Variants in EFR3B observed in about 807,000 individuals in gnomAD.
The protein encoded by EFR3B is EFR3 homolog B, also known as protein EFR3 homolog B.
Under a neutral mutation model 104.7 loss-of-function variants are expected in EFR3B, and 64 were observed. The ratio of observed to expected loss-of-function variants is 0.61; its 90% CI spans 0.50 to 0.75. The LOEUF is 0.75. Ranked by LOEUF, EFR3B falls within the 30% of genes least tolerant of loss-of-function variation. The pLI, the probability that EFR3B is intolerant of heterozygous loss-of-function variation, is 0.00. For missense variants in EFR3B, 750 were observed against 1,078.5 expected, an observed-to-expected ratio of 0.70 and a Z score of 4.27; for synonymous variants, 385 against 417.9, an observed-to-expected ratio of 0.92 and a Z score of 0.96.
At chr2:25,090,135 C>T (rs752878868) in intron 1 of EFR3B, among the ~76,000 whole-genome samples, 1 of 152,236 alleles carries the variant, frequency 6.6e-6, no homozygotes, top group African/African-American at 2.4e-5. Context: ...CTTCCCACGG[C>T]ACATTTGCAT....
rs750796289 is a variant in EFR3B, at chr2:25,145,069, C to T, written c.2142+18C>T. The T allele has an allele frequency of 1.4e-5, 21 of 1,550,376 alleles. No individual in the cohort carries two copies. Among genetic ancestry groups the T allele is most frequent in the Admixed American group, 5.9e-5 (3 of 50,990 alleles). ...AGGAGGAGGTGAGTGTCCGTGCCAC[C>T]GTCCTGGGGCAGCCCCACCTCCTGT... On this transcript the variant is annotated intron_variant, in intron 19 of 22. Transcript: ENST00000403714.
intron 20 of EFR3B, 104 bp downstream of exon 20, chr2:25,149,846 C>T: frequency 9.6e-7 from 1 of 1,044,468 alleles, no homozygotes; most frequent in African/African-American, 1.6e-5. Context: ...GCAGTGGGAT[C>T]CAGCACCTGC....
In EFR3B at chr2:25,156,187, G is replaced by C. The variant is rs1671162902; in HGVS notation, c.*1847G>C. The C allele has an allele frequency of 6.6e-6, 1 of 152,044 alleles. No homozygotes were observed. The highest frequency in any genetic ancestry group is 2.4e-5 in the African/African-American group (1 of 41,378). 9.4% of individuals were successfully genotyped at this position (152,044 alleles called of 1,614,324 possible). A position where few individuals can be genotyped will look rare whatever the true frequency, so the allele number is the denominator to read the frequency against. On this transcript the variant is annotated 3_prime_UTR_variant, in exon 23 of 23. Transcript: ENST00000403714. The stretch of plus-strand genomic sequence containing the variant: ...ATTAATATGTGCAATAAATGTCTTG[G>C]GGAAGGGGCTATTTGACCCTCATTC...
At position 25,093,144 on chromosome 2, in the gene EFR3B, AAG is replaced by A; in HGVS notation, c.212+19_212+20del. On this transcript the variant is annotated intron_variant, in intron 3 of 22. Transcript: ENST00000403714. Reference sequence around the variant, plus strand: ...CCATCGATATGGGTAAGTAGTTTGGAAGAGAGGGAGAGAGATTGTCAGGAACT... The same window carrying A: ...CCATCGATATGGGTAAGTAGTTTGGAAGAGGGAGAGAGATTGTCAGGAACT... 6.4e-7 allele frequency: 1 copy of A among 1,551,288 alleles called. No individual in the cohort carries two copies. The highest frequency in any genetic ancestry group is 8.7e-7 in the Non-Finnish European group (1 of 1,146,862).
intron 1 of EFR3B, among the ~76,000 whole-genome samples, chr2:25,048,283 G>A (rs1667776069): frequency 6.6e-6 from 1 of 152,052 alleles, no homozygotes; most frequent in Non-Finnish European, 1.5e-5. Flanking sequence ...CAAAGTGCTG[G>A]GATTACAGGC....
intron 16 of EFR3B, 56 bp from the exon 17 acceptor site, chr2:25,141,310 T>C (rs1670660218): frequency 1.3e-6 from 2 of 1,533,630 alleles, no homozygotes; most frequent in African/African-American, 2.8e-5. Context: ...TTTCGTTGCC[T>C]GTGAGCTCCC....
chr2:25,117,056 G>A (rs534869929), intron 4 of EFR3B, among the ~76,000 whole-genome samples: 2 of 152,246 alleles, frequency 1.3e-5, no homozygotes, highest in Middle Eastern at 3.4e-3. Flanking sequence ...ATGGCGCCAC[G>A]GCTCGCTGAG....
intron 5 of EFR3B, among the ~76,000 whole-genome samples, chr2:25,123,552 G>A (rs1670079505): frequency 6.6e-6 from 1 of 152,126 alleles, no homozygotes; most frequent in African/African-American, 2.4e-5. Context: ...AGGCCAGAGT[G>A]GGGTATGGGA....
intron 19 of EFR3B, chr2:25,147,947 A>T (rs1670864604): frequency 1.3e-5 from 2 of 149,754 alleles, no homozygotes; most frequent in South Asian, 2.1e-4. Flanking sequence ...CTGGAAACCA[A>T]CCAGGAGGTG....
intron 1 of EFR3B, among the ~76,000 whole-genome samples, chr2:25,052,557 A>G (rs1267771770): frequency 1.5e-5 from 2 of 135,748 alleles, no homozygotes; most frequent in African/African-American, 5.7e-5. Context: ...GCTGGAGTGC[A>G]GTGGCGTGAT....
At chr2:25,073,628 A>G (rs1485092470) in intron 1 of EFR3B, among the ~76,000 whole-genome samples, 1 of 152,096 alleles carries the variant, frequency 6.6e-6, no homozygotes, top group East Asian at 1.9e-4. Context: ...AAGTGTTGGC[A>G]TGAGCCACTG....
intron 5 of EFR3B, among the ~76,000 whole-genome samples, chr2:25,122,545 C>T (rs7605447): frequency 0.02 from 3,107 of 152,152 alleles, 98 homozygotes; most frequent in African/African-American, 0.071. Context: ...CTCCTTGGCC[C>T]TCCTGCTTGC....
chr2:25,147,309 A>T (rs1670845766), intron 19 of EFR3B: 1 of 152,260 alleles, frequency 6.6e-6, no homozygotes, highest in Non-Finnish European at 1.5e-5. Flanking sequence ...ATGGACGTAC[A>T]GAGGATAAGT....
At chr2:25,132,794 G>A (rs750402386) in intron 10 of EFR3B, 109 bp from the exon 11 acceptor site, 291 of 878,216 alleles carry the variant, frequency 3.3e-4, no homozygotes, top group Non-Finnish European at 4.7e-4. Context: ...TCTGGTCCTG[G>A]ATTGACTCCG....
chr2:25,074,903 C>T (rs1488485251), intron 1 of EFR3B, among the ~76,000 whole-genome samples: 1 of 151,914 alleles, frequency 6.6e-6, no homozygotes, highest in Non-Finnish European at 1.5e-5. Flanking sequence ...AGGCATAAGC[C>T]ACCATGCCTG....
At chr2:25,101,090 AG>A (rs1669420810) in intron 3 of EFR3B, among the ~76,000 whole-genome samples, 1 of 152,214 alleles carries the variant, frequency 6.6e-6, no homozygotes, top group Non-Finnish European at 1.5e-5. Context: ...TAGAGTATAA[AG>A]AAACTCAAAA....
chr2:25,102,441 G>A (rs1453119007), intron 3 of EFR3B, among the ~76,000 whole-genome samples: 3 of 152,194 alleles, frequency 2.0e-5, no homozygotes, highest in Non-Finnish European at 4.4e-5. Context: ...CAGGGCTGGG[G>A]AGACCTCAGG....
At chr2:25,060,190 C>G (rs1332781264) in intron 1 of EFR3B, among the ~76,000 whole-genome samples, 1 of 151,420 alleles carries the variant, frequency 6.6e-6, no homozygotes, top group Non-Finnish European at 1.5e-5. Context: ...AGCGAGACTC[C>G]GTCTCAAAAA....
At chr2:25,091,292 C>T in intron 1 of EFR3B, 33 bp from the exon 2 acceptor site, 1 of 1,546,122 alleles carries the variant, frequency 6.5e-7, no homozygotes, top group Non-Finnish European at 8.7e-7. Context: ...GACCAGGAGG[C>T]TTTGCTCACA....
Sources: allele counts gnomAD v4.1 joint callset (sites outside exome capture counted in the v4.1 genomes callset), GRCh38; gene constraint gnomAD v4.1.1; transcripts MANE v1.5; gene names NCBI Gene and HGNC (gene_info 2026-07-23, HGNC 2026-07-21).